KLRC2: variants seen among roughly 807,000 people sequenced by gnomAD.
KLRC2 encodes NKG2-C type II integral membrane protein.
In KLRC2, 10 loss-of-function variants were observed where a neutral mutation model predicts 25.5. The observed-to-expected ratio is 0.39, with a 90% CI of 0.24 to 0.67. KLRC2 has a LOEUF of 0.67. KLRC2 is among the 30% of genes least tolerant of loss of function. The probability of loss-of-function intolerance (pLI) is 0.45; values close to 1 mark genes in which losing one functional copy is unlikely to be tolerated. For missense variants in KLRC2, 170 were observed against 272.8 expected (o/e 0.62, Z 2.65); for synonymous variants, 48 against 93.3 (o/e 0.51, Z 2.80).
intron 4 of KLRC2, among the ~76,000 whole-genome samples, chr12:10,433,037 T>C (rs1307317180): frequency 5.0e-5 from 7 of 141,038 alleles, no homozygotes; most frequent in Non-Finnish European, 1.1e-4. Context: ...GAGAAAGTGC[T>C]TCCTTCTCAT....
chr12:10,431,546 ATAAC>A (rs1863815383), intron 5 of KLRC2, among the ~76,000 whole-genome samples: 1 of 141,738 alleles, frequency 7.1e-6, no homozygotes, highest in Admixed American at 6.9e-5. Flanking sequence ...ATTGACAACA[ATAAC>A]TAATAATAAA....
Position 10,434,088 on chromosome 12 carries a change from A to C in KLRC2, c.332-146T>G, listed in dbSNP as rs537931719. On this transcript the variant is annotated intron_variant, in intron 3 of 5. Transcript: ENST00000381902. The stretch of plus-strand genomic sequence containing the variant: ...TATAAATGTATATTTTTAATAACTG[A>C]GTCAGTCATACACACATGCACAGAC... The C allele has an allele frequency of 3.0e-4, 378 of 1,250,618 alleles. 44 individuals are homozygous for C. In the South Asian group the frequency reaches 4.7e-3, roughly 16 times the overall value. 77.5% of individuals were successfully genotyped at this position (1,250,618 alleles called of 1,614,324 possible). A position where few individuals can be genotyped will look rare whatever the true frequency, so the allele number is the denominator to read the frequency against.
chr12:10,431,395 C>G lies in KLRC2; in HGVS notation c.585-167G>C, dbSNP rs976226039. 41 of 813,114 alleles carry G rather than the reference C, an allele frequency of 5.0e-5. 7 individuals carry two copies. The African/African-American group carries it at 7.1e-4, about 14-fold the overall frequency. 50.4% of individuals were successfully genotyped at this position (813,114 alleles called of 1,614,324 possible). ...CTGAACACTCAACAGAGTAGTCCCTCTTCATCCACGAGGGATATGTTTCAA... is the reference window on the plus strand; with the variant it reads ...CTGAACACTCAACAGAGTAGTCCCTGTTCATCCACGAGGGATATGTTTCAA... On this transcript the variant is annotated intron_variant, in intron 5 of 5. Coordinates refer to ENST00000381902, the MANE Select transcript of KLRC2 (RefSeq NM_002260.4).
chr12:10,434,123 C>A, intron 3 of KLRC2, 181 bp from the exon 4 acceptor site: 1 of 1,015,880 alleles, frequency 9.8e-7, no homozygotes, highest in South Asian at 1.5e-5. Context: ...CAAGGGTTAG[C>A]CTCTCCTCCC....
rs1227846636 is a variant in KLRC2 at position 10,434,048 on chromosome 12, G to A, written c.332-106C>T. On this transcript the variant is annotated intron_variant, in intron 3 of 5. Coordinates refer to ENST00000381902, the MANE Select transcript of KLRC2 (RefSeq NM_002260.4). ...ACATATATGTGCTTAACATATTTAC[G>A]CATCCTTACAGGCTTATAAATGTAT... The A allele has an allele frequency of 9.9e-6, 14 of 1,412,282 alleles. 1 individual carries two copies. The highest frequency in any genetic ancestry group is 4.7e-5 in the African/African-American group (3 of 64,038). 87.5% of individuals were successfully genotyped at this position (1,412,282 alleles called of 1,614,324 possible).
At position 10,434,468 on chromosome 12, in the gene KLRC2, T is replaced by C. The variant is rs199774165; in HGVS notation, c.331+18A>G. 1.3e-5 allele frequency: 20 copies of C among 1,566,354 alleles called. No individual in the cohort carries two copies. The East Asian group carries it at 2.5e-4, about 20-fold the overall frequency. On this transcript the variant is annotated intron_variant, in intron 3 of 5. Coordinates refer to ENST00000381902, the MANE Select transcript of KLRC2 (RefSeq NM_002260.4). ...TATAAATTGTACTAATATCAGAACATTGAAAATAAAAATGTACCTTTCTGC... is the reference window on the plus strand; with the variant it reads ...TATAAATTGTACTAATATCAGAACACTGAAAATAAAAATGTACCTTTCTGC...
chr12:10,434,190 T>A, intron 3 of KLRC2: 1 of 677,218 alleles, frequency 1.5e-6, no homozygotes, highest in South Asian at 1.6e-5. Context: ...TACACATGTG[T>A]TGAACATCGC....
Position 10,432,912 on chromosome 12 carries a change from C to T in KLRC2, c.484-706G>A, listed in dbSNP as rs1342792913. Among the ~76,000 whole-genome samples, 5 of 137,962 alleles carry T rather than the reference C, an allele frequency of 3.6e-5. 1 individual carries two copies. Among genetic ancestry groups the T allele is most frequent in the Non-Finnish European group, 7.9e-5 (5 of 63,308 alleles). The allele number at this position is 137,962 out of a possible 152,430, so 90.5% of individuals were successfully genotyped here. A position where few individuals can be genotyped will look rare whatever the true frequency, so the allele number is the denominator to read the frequency against. ...ACCTAGGCCTGCTGTTTCCCTACAC[C>T]CAACCTGGCAATAGGAGGAGGGTAT... On this transcript the variant is annotated intron_variant, in intron 4 of 5. Coordinates refer to ENST00000381902, the MANE Select transcript of KLRC2 (RefSeq NM_002260.4).
chr12:10,435,707 C>T lies in KLRC2; in HGVS notation c.187+93G>A. The T allele has an allele frequency of 3.0e-6, 4 of 1,349,210 alleles. 1 individual carries two copies. The South Asian group carries it at 4.0e-5, about 14-fold the overall frequency. The allele number at this position is 1,349,210 out of a possible 1,614,324, so 83.6% of individuals were successfully genotyped here. On this transcript the variant is annotated intron_variant, in intron 1 of 5. Coordinates refer to ENST00000381902, the MANE Select transcript of KLRC2 (RefSeq NM_002260.4). Reference sequence around the variant, plus strand: ...TCCCAATTATGAACTCCGATTCTCACAAGTGCAAAATATTCCCTAATCTTT... The same window carrying T: ...TCCCAATTATGAACTCCGATTCTCATAAGTGCAAAATATTCCCTAATCTTT...
In KLRC2 at chr12:10,434,486, C is replaced by A. The variant is rs760693345; in HGVS notation, c.331G>T (p.Ala111Ser). ...CAGAACATTGAAAATAAAAATGTAC[C>A]TTTCTGCGTTCTTGTATTCGGGGAA... ...NFSPNTRTQK[A>S]RHCGHCPEEW... Residue 111 changes from alanine (A) to serine (S), a missense_variant and splice_region_variant, in exon 3 of 6, where the codon GCA becomes TCA. Coordinates refer to ENST00000381902, the MANE Select transcript of KLRC2 (RefSeq NM_002260.4). The A allele has an allele frequency of 1.5e-5, 24 of 1,572,188 alleles. No homozygotes were observed. The highest frequency in any genetic ancestry group is 2.1e-5 in the Non-Finnish European group (24 of 1,146,200).
Position 10,432,109 on chromosome 12 carries a change from T to C in KLRC2, c.581A>G (p.His194Arg), listed in dbSNP as rs1270066329. 6.5e-7 allele frequency: 1 copy of C among 1,529,140 alleles called. No individual in the cohort carries two copies. The allele number at this position is 1,529,140 out of a possible 1,614,324, so 94.7% of individuals were successfully genotyped here. Reference sequence around the variant, plus strand: ...AGCGCCATACAAAAGAACTTACTTATGTTTGAAAGCCAAACCATTTATTGT... The same window carrying C: ...AGCGCCATACAAAAGAACTTACTTACGTTTGAAAGCCAAACCATTTATTGT... ...WVTINGLAFK[H>R]KIKDSDNAEL... Residue 194 changes from histidine to arginine, a missense_variant, in exon 5 of 6, where the codon CAT becomes CGT. Physicochemically the swap from His to Arg is conservative, Grantham distance 29. Coordinates refer to ENST00000381902, the MANE Select transcript of KLRC2 (RefSeq NM_002260.4).
chr12:10,432,128 T>G lies in KLRC2; in HGVS notation c.562A>C (p.Asn188His), dbSNP rs1224625513. ...TACTTATGTTTGAAAGCCAAACCAT[T>G]TATTGTCACCCATGGATGATGACTG... ...NSSHHPWVTI[N>H]GLAFKHKIKD... The change falls in exon 5 of 6, where the codon AAT becomes CAT. Residue 188 changes from asparagine (N) to histidine (H), a missense_variant. Physicochemically the swap from Asn to His is moderately conservative, Grantham distance 68. Around this residue, in one of 3 missense-constraint regions of KLRC2, gnomAD observed 129 missense variants for 150.2 expected, o/e 0.86. Transcript: ENST00000381902. The G allele has an allele frequency of 1.3e-6, 2 of 1,532,432 alleles. No individual in the cohort carries two copies. The highest frequency in any genetic ancestry group is 3.5e-5 in the Admixed American group (2 of 57,922). 94.9% of individuals were successfully genotyped at this position (1,532,432 alleles called of 1,614,324 possible). A position where few individuals can be genotyped will look rare whatever the true frequency, so the allele number is the denominator to read the frequency against.
At chr12:10,432,519 T>G (rs1233424921) in intron 4 of KLRC2, among the ~76,000 whole-genome samples, 1 of 127,318 alleles carries the variant, frequency 7.9e-6, no homozygotes, top group African/African-American at 2.9e-5. Context: ...TCTATTTTTG[T>G]GCTATATTTC....
At position 10,431,630 on chromosome 12, in the gene KLRC2, G is replaced by A. The variant is rs774641644; in HGVS notation, c.585-402C>T. The stretch of plus-strand genomic sequence containing the variant: ...GATATTCTTAAGTAAAAAAGTAAGC[G>A]TGGCTTTTTAATAAAAACAAGCACT... On this transcript the variant is annotated intron_variant, in intron 5 of 5. Coordinates refer to ENST00000381902, the MANE Select transcript of KLRC2 (RefSeq NM_002260.4). Among the ~76,000 whole-genome samples, 23 of 142,142 alleles carry A rather than the reference G, an allele frequency of 1.6e-4. 3 individuals are homozygous for A. Among genetic ancestry groups the A allele is most frequent in the Non-Finnish European group, 2.5e-4 (16 of 64,904 alleles). 93.3% of individuals were successfully genotyped at this position (142,142 alleles called of 152,430 possible). A position where few individuals can be genotyped will look rare whatever the true frequency, so the allele number is the denominator to read the frequency against.
chr12:10,432,884 G>C (rs1257975859), intron 4 of KLRC2, among the ~76,000 whole-genome samples: 1 of 137,566 alleles, frequency 7.3e-6, no homozygotes, highest in Non-Finnish European at 1.6e-5. Flanking sequence ...ACAGAAGAAG[G>C]TGACCTAGGC....
chr12:10,435,217 T>C (rs551083640), intron 2 of KLRC2, 95 bp downstream of exon 2: 1 of 1,533,694 alleles, frequency 6.5e-7, no homozygotes, highest in South Asian at 1.2e-5. Context: ...AACAGTAAAA[T>C]AAGAGTTCTA....
chr12:10,435,146 C>T (rs1255877063), intron 2 of KLRC2, 166 bp downstream of exon 2: 1 of 1,129,528 alleles, frequency 8.9e-7, no homozygotes, highest in African/African-American at 1.7e-5. Flanking sequence ...AAAATGGGGA[C>T]AATCTTTAAT....
Position 10,433,847 on chromosome 12 carries a change from G to A in KLRC2, c.427C>T (p.Leu143=), listed in dbSNP as rs1863840881. 1 of 1,550,220 alleles carries A rather than the reference G, an allele frequency of 6.5e-7. No homozygotes were observed. The highest frequency in any genetic ancestry group is 1.5e-5 in the African/African-American group (1 of 68,370). The change falls in exon 4 of 6, where the codon CTG becomes TTG. Residue 143 remains leucine (L), a synonymous_variant. Coordinates refer to ENST00000381902, the MANE Select transcript of KLRC2 (RefSeq NM_002260.4). The part of the protein sequence containing the change: ...KERRTWEESL[L]ACTSKNSSLL... The stretch of plus-strand genomic sequence containing the variant: ...CTGGAGTTCTTCGAAGTACAGGCCA[G>A]CAAACTCTCTTCCCAAGTTCTTCTT...
At chr12:10,431,931 G>A (rs1026950777) in intron 5 of KLRC2, among the ~76,000 whole-genome samples, 175 bp downstream of exon 5, 4 of 141,186 alleles carry the variant, frequency 2.8e-5, no homozygotes, top group African/African-American at 5.4e-5. Context: ...GCAGACCAAT[G>A]AGCGGTTGAA....
Sources: gnomAD v4.1 joint callset for allele counts (sites outside exome capture counted in the v4.1 genomes callset) on GRCh38, gnomAD v4.1.1 for gene constraint, gnomAD v4.1.1 regional missense constraint, MANE v1.5 for transcripts, NCBI Gene and HGNC (gene_info 2026-07-23, HGNC 2026-07-21) for gene names.